Variants in SNRNP35 observed in about 807,000 individuals in gnomAD.
The protein encoded by SNRNP35 is small nuclear ribonucleoprotein U11/U12 subunit 35.
A neutral mutation model predicts 24.3 loss-of-function variants in SNRNP35; 16 were observed. The observed-to-expected ratio is 0.66, with a 90% CI of 0.45 to 1.00. The LOEUF (loss-of-function observed/expected upper bound fraction) is 1.00. Ranked by LOEUF, SNRNP35 falls within the 50% of genes least tolerant of loss-of-function variation. SNRNP35 has a pLI of 0.00. For missense variants in SNRNP35, 292 were observed against 327.2 expected, an observed-to-expected ratio of 0.89 and a Z score of 0.83; for synonymous variants, 106 against 124.8, an observed-to-expected ratio of 0.85 and a Z score of 1.00.
intron 1 of SNRNP35, chr12:123,459,871 A>G: frequency 6.3e-7 from 1 of 1,597,356 alleles, no homozygotes; most frequent in African/African-American, 1.3e-5. Flanking sequence ...GTGCACCTAG[A>G]AAGATTAATG....
At chr12:123,459,784 C>A in intron 1 of SNRNP35, 10 of 1,503,598 alleles carry the variant, frequency 6.7e-6, no homozygotes, top group Non-Finnish European at 9.0e-6. Flanking sequence ...GAGACTTTGT[C>A]TCGAGTAAAA....
chr12:123,467,528 C>G (rs920192600), downstream of SNRNP35, among the ~76,000 whole-genome samples: 1 of 152,172 alleles, frequency 6.6e-6, no homozygotes, highest in Non-Finnish European at 1.5e-5. Context: ...ACCTTAACTT[C>G]TGAGGACTTT....
chr12:123,470,253 G>C (rs1024986547), downstream of SNRNP35: 1 of 151,892 alleles, frequency 6.6e-6, no homozygotes, highest in Non-Finnish European at 1.5e-5. Context: ...TGGGGTGTGA[G>C]GATCACTTGA....
At chr12:123,459,756 C>T in intron 1 of SNRNP35, 1 of 1,315,170 alleles carries the variant, frequency 7.6e-7, no homozygotes, top group African/African-American at 1.5e-5. Flanking sequence ...CATTGCACTC[C>T]AGCCTGGGTG....
At chr12:123,468,411 G>C (rs186459175), downstream of SNRNP35, among the ~76,000 whole-genome samples, 167 of 151,510 alleles carry the variant, frequency 1.1e-3, 1 homozygote, top group African/African-American at 3.7e-3. Flanking sequence ...ACTGAGGCTG[G>C]GCGTGATGGC....
downstream of SNRNP35, among the ~76,000 whole-genome samples, chr12:123,469,788 C>T (rs1009693344): frequency 3.3e-5 from 5 of 151,888 alleles, no homozygotes; most frequent in Non-Finnish European, 5.9e-5. Flanking sequence ...TAGGTGTGAC[C>T]CACTGCACCT....
intron 1 of SNRNP35, among the ~76,000 whole-genome samples, chr12:123,460,326 CT>C (rs752226338): frequency 3.3e-5 from 5 of 152,146 alleles, no homozygotes; most frequent in African/African-American, 1.2e-4. Context: ...CACACTGCCC[CT>C]GGTTCTAACT....
chr12:123,463,628 C>T (rs967704884), intron 1 of SNRNP35, among the ~76,000 whole-genome samples: 5 of 151,968 alleles, frequency 3.3e-5, no homozygotes, highest in Non-Finnish European at 7.4e-5. Flanking sequence ...TCTTGAACTC[C>T]TGACCTCGTG....
intron 1 of SNRNP35, chr12:123,459,871 A>C (rs1880506655): frequency 6.3e-7 from 1 of 1,597,356 alleles, no homozygotes; most frequent in Non-Finnish European, 8.5e-7. Flanking sequence ...GTGCACCTAG[A>C]AAGATTAATG....
At chr12:123,472,347 A>G in exon 2 of SNRNP35, 1 of 590,346 alleles carries the variant, frequency 1.7e-6, no homozygotes, top group East Asian at 2.8e-5. Flanking sequence ...CTGGGTATAA[A>G]TAAACATTTC....
In SNRNP35 at chr12:123,463,057, T is replaced by C. The variant is rs529030533; in HGVS notation, c.-3-2481T>C. Among the ~76,000 whole-genome samples the C allele has an allele frequency of 2.0e-5, 3 of 151,720 alleles. No individual in the cohort carries two copies. The East Asian group carries it at 5.8e-4, about 29-fold the overall frequency. On this transcript the variant is annotated intron_variant, in intron 1 of 1. Transcript: ENST00000526639. ...TGTATATATTTCACAGAAACCTGGT[T>C]TTTTGTTTTTGTTTTTGTTTTGAGA... is the stretch of plus-strand genomic sequence containing the variant.
At chr12:123,468,728 C>CAA (rs1881066798), downstream of SNRNP35, among the ~76,000 whole-genome samples, 1 of 152,168 alleles carries the variant, frequency 6.6e-6, no homozygotes, top group Non-Finnish European at 1.5e-5. Context: ...CAGACTCCAA[C>CAA]CCTGTACATT....
intron 1 of SNRNP35, among the ~76,000 whole-genome samples, chr12:123,460,602 CAAAAAAA>C (rs35255989): frequency 3.8e-5 from 3 of 78,694 alleles, no homozygotes; most frequent in African/African-American, 1.6e-4. Context: ...CCCATCTCTA[CAAAAAAA>C]AAAAAAAAAA....
chr12:123,472,567 GCT>G, exon 2 of SNRNP35: 1 of 1,553,412 alleles, frequency 6.4e-7, no homozygotes, highest in South Asian at 1.2e-5. Flanking sequence ...TCCTGTCCTT[GCT>G]CTGTGTAACC....
chr12:123,466,552 C>CTT lies in SNRNP35; in HGVS notation c.*284_*285dup, dbSNP rs61289565. On this transcript the variant is annotated 3_prime_UTR_variant, in exon 2 of 2. Coordinates refer to ENST00000526639, the MANE Select transcript of SNRNP35 (RefSeq NM_022717.4). ...ACAGAAGGGCATTTTCTTTTCTTTT[C>CTT]TTTTTTTTTTTTTTGAGACAGAGTC... 1.3e-3 allele frequency: 241 copies of CTT among 190,236 alleles called. No homozygotes were observed. Among genetic ancestry groups the CTT allele is most frequent in the African/African-American group, 4.3e-3 (177 of 40,890 alleles). The allele number at this position is 190,236 out of a possible 1,614,324, so 11.8% of individuals were successfully genotyped here.
intron 1 of SNRNP35, among the ~76,000 whole-genome samples, chr12:123,462,257 A>G (rs1458528391): frequency 6.6e-6 from 1 of 152,164 alleles, no homozygotes; most frequent in East Asian, 1.9e-4. Flanking sequence ...GGAGATAGAC[A>G]GGGAGAGCAT....
At chr12:123,470,557 C>T (rs1375073685), downstream of SNRNP35, 1 of 151,348 alleles carries the variant, frequency 6.6e-6, no homozygotes, top group Non-Finnish European at 1.5e-5. Context: ...AGGTGAATCA[C>T]TTGAGGTCAG....
rs150858203 is a variant in SNRNP35 at position 123,465,966 on chromosome 12, C to A, written c.426C>A (p.Gly142=). 1.5e-5 allele frequency: 24 copies of A among 1,613,688 alleles called. No homozygotes were observed. The highest frequency in any genetic ancestry group is 1.9e-5 in the Non-Finnish European group (22 of 1,179,952). The part of the protein sequence containing the change: ...LKGWIPRRLG[G]GLGGKKESGQ... ...GGTGGATCCCTCGGCGACTTGGAGG[C>A]GGTCTTGGGGGAAAAAAGGAGTCTG... Residue 142 remains glycine, a synonymous_variant, in exon 2 of 2, where the codon GGC becomes GGA. Transcript: ENST00000526639. This position sits in a 1 kb window ranked among gnomAD's most constrained non-coding sequence, Gnocchi z 4.2.
At chr12:123,459,797 A>G in intron 1 of SNRNP35, 2 of 1,542,122 alleles carry the variant, frequency 1.3e-6, no homozygotes, top group South Asian at 2.4e-5. Flanking sequence ...GAGTAAAAAA[A>G]GAGAATGTAA....
Sources: gnomAD v4.1 joint callset for allele counts (sites outside exome capture counted in the v4.1 genomes callset) on GRCh38, gnomAD v4.1.1 for gene constraint, Gnocchi (gnomAD v3.1) non-coding constraint, MANE v1.5 for transcripts, NCBI Gene and HGNC (gene_info 2026-07-23, HGNC 2026-07-21) for gene names.